KMT2C: variants seen among roughly 807,000 people sequenced by gnomAD.
KMT2C encodes the protein histone-lysine N-methyltransferase 2C.
A neutral mutation model predicts 507.9 loss-of-function variants in KMT2C; 88 were observed. The observed-to-expected ratio is 0.17, with a 90% confidence interval of 0.15 to 0.21. The LOEUF (loss-of-function observed/expected upper bound fraction) is 0.21, where lower values mean the gene tolerates loss of function less well. Among genes scored for constraint, KMT2C ranks in the 10% least tolerant of loss-of-function variants. The pLI is 1.00. For synonymous variants in KMT2C, 2,049 were observed against 2,080.8 expected, an observed-to-expected ratio of 0.98 and a Z score of 0.42; for missense variants, 4,954 against 5,957.8, an observed-to-expected ratio of 0.83 and a Z score of 5.55.
rs2092494755 is a variant in KMT2C, at chr7:152,162,235, A to C, written c.11342T>G (p.Leu3781Trp). ...DSGNELLKHL[L>W]KNKKSSSLLN... ...AAGAGAAGATGACTTTTTATTTTTCAACAAGTGTTTCAGAAGTTCATTCCC... is the reference window on the plus strand; with the variant it reads ...AAGAGAAGATGACTTTTTATTTTTCCACAAGTGTTTCAGAAGTTCATTCCC... Residue 3781 changes from leucine (L) to tryptophan (W), a missense_variant, in exon 43 of 59, where the codon TTG (leucine) becomes TGG (tryptophan). Physicochemically the swap from Leu to Trp is moderately conservative, Grantham distance 61. This residue lies in a region of KMT2C where 801 missense variants were observed against 751.2 expected (regional missense o/e 1.07). Transcript: ENST00000262189. 1.9e-6 allele frequency: 3 copies of C among 1,613,934 alleles called. No homozygotes were observed. The African/African-American group carries it at 4.0e-5, about 22-fold the overall frequency.
At chr7:152,209,950 T>C (rs1366811703) in intron 23 of KMT2C, among the ~76,000 whole-genome samples, 3 of 152,078 alleles carry the variant, frequency 2.0e-5, no homozygotes, top group Admixed American at 2.0e-4. Context: ...GAAGTCATAC[T>C]CCCTACATCT....
rs549402666 is a variant in KMT2C at position 152,222,390 on chromosome 7, G to A, written c.3433+183C>T. Among the ~76,000 whole-genome samples the A allele has an allele frequency of 5.3e-5, 8 of 152,218 alleles. No individual in the cohort carries two copies. The East Asian group carries it at 1.3e-3, about 26-fold the overall frequency. On this transcript the variant is annotated intron_variant, in intron 21 of 58. Transcript: ENST00000262189. ...TGCTTTTTATTGTTTCATGTAAATTGTTTTATAACAAGTTGTGATAAGTCA... is the reference window on the plus strand; with the variant it reads ...TGCTTTTTATTGTTTCATGTAAATTATTTTATAACAAGTTGTGATAAGTCA...
chr7:152,137,202 C>T (rs954826036), intron 58 of KMT2C: 1 of 334,740 alleles, frequency 3.0e-6, no homozygotes, highest in Non-Finnish European at 5.6e-6. Flanking sequence ...ATAATGCTGT[C>T]CCTGCAAGTG....
intron 2 of KMT2C, among the ~76,000 whole-genome samples, chr7:152,338,237 A>G (rs926797770): frequency 6.6e-6 from 1 of 152,200 alleles, no homozygotes; most frequent in Non-Finnish European, 1.5e-5. Flanking sequence ...AGAATAAAGA[A>G]GACATTTATT....
rs182714748 is a variant in KMT2C at position 152,417,010 on chromosome 7, C to A, written c.161+18616G>T. ...GTTGTGGAGAGCCGAGATGGCACCA[C>A]TGCACTCTAGCCTGGGTGACACAGT... On this transcript the variant is annotated intron_variant, in intron 1 of 58. Transcript: ENST00000262189. 1.6e-4 allele frequency among the ~76,000 whole-genome samples: 22 copies of A among 139,242 alleles called. No individual in the cohort carries two copies. The East Asian group carries it at 4.6e-3, about 29-fold the overall frequency. 91.3% of individuals were successfully genotyped at this position (139,242 alleles called of 152,430 possible).
At chr7:152,155,680 CTATTA>C (rs1197594964) in intron 46 of KMT2C, among the ~76,000 whole-genome samples, 1 of 152,014 alleles carries the variant, frequency 6.6e-6, no homozygotes, top group Non-Finnish European at 1.5e-5. Context: ...ACTTAACTGT[CTATTA>C]GATTATTTAA....
intron 1 of KMT2C, among the ~76,000 whole-genome samples, chr7:152,422,432 C>T (rs555508306): frequency 2.4e-4 from 37 of 151,424 alleles, no homozygotes; most frequent in East Asian, 1.2e-3. Flanking sequence ...TCCAGCCACG[C>T]GACAGAGCAA....
At chr7:152,344,814 C>A (rs998582555) in intron 2 of KMT2C, among the ~76,000 whole-genome samples, 3 of 151,930 alleles carry the variant, frequency 2.0e-5, no homozygotes, top group African/African-American at 7.3e-5. Context: ...AGTGAAACAC[C>A]GTCTCTACTA....
rs547144782 is a variant in KMT2C at position 152,282,063 on chromosome 7, A to G, written c.850-8196T>C. On this transcript the variant is annotated intron_variant, in intron 6 of 58. Coordinates refer to ENST00000262189, the MANE Select transcript of KMT2C (RefSeq NM_170606.3). ...TCCCAGCACTTTGGGAGGCCAAGGC[A>G]GGCGGATCACTTGAGACCAGGAGTT... Among the ~76,000 whole-genome samples, 13 of 152,358 alleles carry G rather than the reference A, an allele frequency of 8.5e-5. No individual in the cohort carries two copies. In the South Asian group the frequency reaches 2.7e-3, roughly 32 times the overall value.
At chr7:152,194,771 G>A (rs577959270) in intron 28 of KMT2C, among the ~76,000 whole-genome samples, 1 of 150,934 alleles carries the variant, frequency 6.6e-6, no homozygotes, top group Admixed American at 6.6e-5. Flanking sequence ...TCGGTGCCAT[G>A]TAAAGTTCTA....
At chr7:152,231,862 T>A (rs1333988141) in intron 16 of KMT2C, among the ~76,000 whole-genome samples, 1 of 148,886 alleles carries the variant, frequency 6.7e-6, no homozygotes, top group African/African-American at 2.5e-5. Context: ...TACAAATACA[T>A]TTAAAAGCAG....
At chr7:152,179,258 A>T (rs1244898704) in intron 37 of KMT2C, among the ~76,000 whole-genome samples, 1 of 152,222 alleles carries the variant, frequency 6.6e-6, no homozygotes, top group Non-Finnish European at 1.5e-5. Context: ...GGCCTCCCAA[A>T]GTATTGGGAT....
chr7:152,338,130 T>A (rs189925942), intron 2 of KMT2C, among the ~76,000 whole-genome samples: 2 of 152,188 alleles, frequency 1.3e-5, no homozygotes. Flanking sequence ...AGTGCTGGGA[T>A]TACAGGCATG....
At chr7:152,149,544 T>C (rs2091437871) in intron 51 of KMT2C, among the ~76,000 whole-genome samples, 3 of 152,254 alleles carry the variant, frequency 2.0e-5, no homozygotes, top group African/African-American at 7.2e-5. Flanking sequence ...ACAGTGTTTT[T>C]TGTTTAACCA....
intron 6 of KMT2C, among the ~76,000 whole-genome samples, chr7:152,287,396 G>A (rs2129184195): frequency 6.6e-6 from 1 of 152,310 alleles, no homozygotes; most frequent in East Asian, 1.9e-4. Context: ...TTTACTAGGT[G>A]TACGTCTCCA....
chr7:152,214,841 G>C (rs1003505830), intron 23 of KMT2C, among the ~76,000 whole-genome samples: 7 of 152,018 alleles, frequency 4.6e-5, no homozygotes, highest in Admixed American at 4.6e-4. Context: ...AGGTCGGAGG[G>C]TACAAATCTG....
intron 1 of KMT2C, among the ~76,000 whole-genome samples, chr7:152,416,763 G>C (rs2097742307): frequency 7.0e-6 from 1 of 143,130 alleles, no homozygotes; most frequent in Admixed American, 7.0e-5. Flanking sequence ...AAAAAAATAA[G>C]AGATCAAGCC....
At chr7:152,184,797 C>G (rs904249425) in intron 34 of KMT2C, among the ~76,000 whole-genome samples, 1 of 152,136 alleles carries the variant, frequency 6.6e-6, no homozygotes, top group Non-Finnish European at 1.5e-5. Context: ...TTTGACCTAG[C>G]AGGGTGGTCT....
chr7:152,229,240 T>TC (rs1385039737), intron 18 of KMT2C, among the ~76,000 whole-genome samples: 1 of 152,168 alleles, frequency 6.6e-6, no homozygotes, highest in Non-Finnish European at 1.5e-5. Flanking sequence ...CAGCTATACC[T>TC]CCATGCTTGC....
Sources: gnomAD v4.1 joint callset for allele counts (sites outside exome capture counted in the v4.1 genomes callset) on GRCh38, gnomAD v4.1.1 for gene constraint, gnomAD v4.1.1 regional missense constraint, MANE v1.5 for transcripts, NCBI Gene and HGNC (gene_info 2026-07-23, HGNC 2026-07-21) for gene names.